The following BTBD9 variants were observed in gnomAD, a reference collection of about 807,000 sequenced individuals.
The protein encoded by BTBD9 is BTB domain containing 9.
In BTBD9, 49 loss-of-function variants were observed where a neutral mutation model predicts 64.3. That is an observed-to-expected ratio of 0.76 (90% confidence interval 0.61 to 0.97). BTBD9 has a LOEUF of 0.97. Ranked by LOEUF, BTBD9 falls within the 50% of genes least tolerant of loss-of-function variation. BTBD9 has a pLI of 0.00. For synonymous variants in BTBD9, 260 were observed against 274.7 expected (o/e 0.95, Z 0.53); for missense variants, 598 against 762.1 (o/e 0.78, Z 2.53).
intron 6 of BTBD9, among the ~76,000 whole-genome samples, chr6:38,530,488 G>T: frequency 6.6e-6 from 1 of 151,090 alleles, no homozygotes; most frequent in Non-Finnish European, 1.5e-5. Context: ...ACTGATATGT[G>T]CTGTCACTTC....
chr6:38,256,184 A>C (rs563243484), intron 9 of BTBD9, among the ~76,000 whole-genome samples: 1 of 152,256 alleles, frequency 6.6e-6, no homozygotes, highest in South Asian at 2.1e-4. Flanking sequence ...CAAAAGTGTG[A>C]GTCAAATTCA....
Position 38,288,265 on chromosome 6 carries a change from T to A in BTBD9, c.1454+7A>T, listed in dbSNP as rs1308653636. ...TAAAACTTATGAATGAGGAGGAATC[T>A]TCTTACCGTATTGACCCAATCATGT... On this transcript the variant is annotated splice_region_variant and intron_variant, in intron 8 of 10. Coordinates refer to ENST00000481247, the MANE Select transcript of BTBD9 (RefSeq NM_001099272.2). 1.2e-6 allele frequency: 2 copies of A among 1,607,246 alleles called. No individual in the cohort carries two copies. The highest frequency in any genetic ancestry group is 1.1e-5 in the South Asian group (1 of 90,756).
intron 6 of BTBD9, among the ~76,000 whole-genome samples, chr6:38,521,558 C>G (rs973275868): frequency 2.6e-5 from 4 of 152,276 alleles, no homozygotes; most frequent in Non-Finnish European, 4.4e-5. Context: ...TTCCTTTGAG[C>G]ATCAAAAAGT....
chr6:38,261,152 C>G (rs919535560), intron 8 of BTBD9, among the ~76,000 whole-genome samples: 1 of 151,944 alleles, frequency 6.6e-6, no homozygotes, highest in African/African-American at 2.4e-5. Context: ...TCTCCAACTC[C>G]TGGCCTTAAG....
At chr6:38,256,259 C>A in intron 9 of BTBD9, 150 bp downstream of exon 9, 1 of 601,908 alleles carries the variant, frequency 1.7e-6, no homozygotes, top group Non-Finnish European at 2.9e-6. Flanking sequence ...ATTTAATAGT[C>A]AAAACTGAAG....
chr6:38,552,305 C>G (rs1336826044), intron 6 of BTBD9, among the ~76,000 whole-genome samples: 3 of 152,156 alleles, frequency 2.0e-5, no homozygotes, highest in Non-Finnish European at 2.9e-5. Flanking sequence ...GAATGAGACA[C>G]AGAATGAATG....
intron 1 of BTBD9, among the ~76,000 whole-genome samples, chr6:38,627,649 G>C (rs1236826039): frequency 6.6e-6 from 1 of 152,130 alleles, no homozygotes; most frequent in Non-Finnish European, 1.5e-5. Flanking sequence ...TGTGGGGTCA[G>C]GATGGGAGGG....
chr6:38,571,312 G>A (rs1775756326), intron 6 of BTBD9, among the ~76,000 whole-genome samples: 1 of 152,108 alleles, frequency 6.6e-6, no homozygotes, highest in Non-Finnish European at 1.5e-5. Flanking sequence ...GAGGTGTAGG[G>A]AACAAAAGAG....
At chr6:38,499,496 G>T (rs567782032) in intron 6 of BTBD9, among the ~76,000 whole-genome samples, 1 of 152,066 alleles carries the variant, frequency 6.6e-6, no homozygotes, top group Non-Finnish European at 1.5e-5. Context: ...CTGAAGCAGG[G>T]TATTTATTTG....
Position 38,288,260 on chromosome 6 carries a change from G to GA in BTBD9, c.1454+11dup, listed in dbSNP as rs149086313. On this transcript the variant is annotated intron_variant, in intron 8 of 10. Coordinates refer to ENST00000481247, the MANE Select transcript of BTBD9 (RefSeq NM_001099272.2). Reference sequence around the variant, plus strand: ...CATTTTAAAACTTATGAATGAGGAGGAATCTTCTTACCGTATTGACCCAAT... The same window carrying GA: ...CATTTTAAAACTTATGAATGAGGAGGAAATCTTCTTACCGTATTGACCCAAT... 106,064 of 1,602,822 alleles carry GA rather than the reference G, an allele frequency of 0.066. 3,875 individuals carry two copies. The highest frequency in any genetic ancestry group is 0.095 in the Admixed American group (5,661 of 59,424).
intron 10 of BTBD9, among the ~76,000 whole-genome samples, chr6:38,186,165 A>G (rs1761808703): frequency 6.6e-6 from 1 of 152,210 alleles, no homozygotes; most frequent in Non-Finnish European, 1.5e-5. Context: ...CTGGAGGAGA[A>G]CTGCCCACTG....
At chr6:38,279,447 C>A (rs569271449) in intron 8 of BTBD9, among the ~76,000 whole-genome samples, 1 of 129,280 alleles carries the variant, frequency 7.7e-6, no homozygotes, top group South Asian at 2.3e-4. Flanking sequence ...CAAGAATTAG[C>A]CTTAAATGAC....
intron 9 of BTBD9, among the ~76,000 whole-genome samples, chr6:38,217,522 T>C (rs192113010): frequency 1.1e-3 from 163 of 152,044 alleles, no homozygotes; most frequent in Non-Finnish European, 2.0e-3. Flanking sequence ...AGGTTCCAAA[T>C]GCAGCTCTCA....
At chr6:38,556,444 A>T (rs1289558450) in intron 6 of BTBD9, among the ~76,000 whole-genome samples, 1 of 151,922 alleles carries the variant, frequency 6.6e-6, no homozygotes, top group Non-Finnish European at 1.5e-5. Context: ...GTCAAATGGC[A>T]AATGCTTTTA....
At chr6:38,232,324 G>A (rs907709238) in intron 9 of BTBD9, among the ~76,000 whole-genome samples, 2 of 151,358 alleles carry the variant, frequency 1.3e-5, no homozygotes, top group Non-Finnish European at 2.9e-5. Flanking sequence ...AGGCTGGAGT[G>A]CAGTGGCACA....
chr6:38,200,917 G>A (rs1762441236), intron 9 of BTBD9, among the ~76,000 whole-genome samples: 1 of 152,164 alleles, frequency 6.6e-6, no homozygotes, highest in African/African-American at 2.4e-5. Flanking sequence ...CTACTTGGGA[G>A]GCTGAGGCAG....
intron 7 of BTBD9, among the ~76,000 whole-genome samples, chr6:38,327,845 T>TA (rs1763501495): frequency 6.6e-6 from 1 of 152,218 alleles, no homozygotes. Flanking sequence ...TCTCAACTCT[T>TA]GGTTTATTCA....
At chr6:38,544,417 GTGTGTGTA>G (rs1191127421) in intron 6 of BTBD9, among the ~76,000 whole-genome samples, 1 of 152,080 alleles carries the variant, frequency 6.6e-6, no homozygotes, top group East Asian at 1.9e-4. Context: ...CAGTGAGTGT[GTGTGTGTA>G]TGTGTGTATA....
chr6:38,205,916 T>C (rs1352793369), intron 9 of BTBD9, among the ~76,000 whole-genome samples: 1 of 86,950 alleles, frequency 1.2e-5, no homozygotes, highest in Non-Finnish European at 2.4e-5. Context: ...AAGGAAGTTA[T>C]GGGATCCACA....
Sources: gnomAD v4.1 joint callset for allele counts (sites outside exome capture counted in the v4.1 genomes callset) on GRCh38, gnomAD v4.1.1 for gene constraint, MANE v1.5 for transcripts, NCBI Gene and HGNC (gene_info 2026-07-23, HGNC 2026-07-21) for gene names.